The following ZMAT4 variants were observed in gnomAD, a reference collection of about 807,000 sequenced individuals.
ZMAT4 encodes the protein zinc finger matrin-type 4.
Under a neutral mutation model 28.7 loss-of-function variants are expected in ZMAT4, and 17 were observed. The observed-to-expected ratio is 0.59, with a 90% CI of 0.41 to 0.89. The LOEUF is 0.89. Ranked by LOEUF, ZMAT4 falls within the 40% of genes least tolerant of loss-of-function variation. The probability of loss-of-function intolerance (pLI) is 0.00; values close to 1 mark genes in which losing one functional copy is unlikely to be tolerated. For missense variants in ZMAT4, 240 were observed against 283.8 expected (o/e 0.85, Z 1.11); for synonymous variants, 117 against 109.2 (o/e 1.07, Z -0.44).
At chr8:40,702,452 G>T (rs1810189173) in intron 3 of ZMAT4, among the ~76,000 whole-genome samples, 2 of 152,152 alleles carry the variant, frequency 1.3e-5, no homozygotes, top group South Asian at 4.2e-4. Context: ...ATTGCTGAAA[G>T]AAATAAAAAG....
At chr8:40,849,113 T>G (rs1403590212) in intron 1 of ZMAT4, among the ~76,000 whole-genome samples, 1 of 152,212 alleles carries the variant, frequency 6.6e-6, no homozygotes, top group Non-Finnish European at 1.5e-5. Context: ...GGGTCAGGCC[T>G]GCACAGCTGC....
At chr8:40,738,747 C>T (rs1433094689) in intron 3 of ZMAT4, among the ~76,000 whole-genome samples, 3 of 152,084 alleles carry the variant, frequency 2.0e-5, no homozygotes, top group African/African-American at 7.2e-5. Flanking sequence ...AAGGCTGTGG[C>T]CCCTGTCAAC....
intron 3 of ZMAT4, among the ~76,000 whole-genome samples, chr8:40,749,946 A>G (rs991200113): frequency 1.3e-5 from 2 of 152,200 alleles, no homozygotes; most frequent in African/African-American, 2.4e-5. Flanking sequence ...AGATTTCCCA[A>G]TGCAGCCTGT....
chr8:40,873,577 C>T (rs530747016), intron 1 of ZMAT4, among the ~76,000 whole-genome samples: 124 of 152,238 alleles, frequency 8.1e-4, no homozygotes, highest in African/African-American at 3.0e-3. Flanking sequence ...ATGGCTTCTC[C>T]TTCAAGAGGT....
chr8:40,779,830 T>G lies in ZMAT4; in HGVS notation c.103-12100A>C, dbSNP rs1476580258. On this transcript the variant is annotated intron_variant, in intron 2 of 6. Transcript: ENST00000297737. ...GAGTGAGCTGTCTTCTGGCTTCAGC[T>G]GGATAGCACCTCAGTGAGAGGCAAA... Among the ~76,000 whole-genome samples the G allele has an allele frequency of 2.0e-5, 3 of 152,164 alleles. No individual in the cohort carries two copies. In the East Asian group the frequency reaches 5.8e-4, roughly 29 times the overall value.
intron 2 of ZMAT4, among the ~76,000 whole-genome samples, chr8:40,822,635 C>A (rs1215815658): frequency 2.0e-5 from 3 of 152,144 alleles, no homozygotes; most frequent in African/African-American, 7.2e-5. Flanking sequence ...AAACCTCAAC[C>A]AAAGCTGGGG....
chr8:40,816,600 A>G (rs1815551264), intron 2 of ZMAT4, among the ~76,000 whole-genome samples: 1 of 152,188 alleles, frequency 6.6e-6, no homozygotes, highest in Non-Finnish European at 1.5e-5. Context: ...AAACTTGCCA[A>G]CAATACTCTG....
chr8:40,846,142 T>C lies in ZMAT4; in HGVS notation c.-4-20462A>G, dbSNP rs76794629. On this transcript the variant is annotated intron_variant, in intron 1 of 6. Transcript: ENST00000297737. ...GCTGAGACCGGGAGATAGCAACTAT[T>C]TGTACACCTTCTTCCAAACGCACCA... Among the ~76,000 whole-genome samples the C allele has an allele frequency of 4.2e-3, 647 of 152,264 alleles. 6 individuals carry two copies. Among genetic ancestry groups the C allele is most frequent in the Admixed American group, 7.8e-3 (120 of 15,304 alleles).
chr8:40,570,508 G>A (rs896985736), intron 6 of ZMAT4, among the ~76,000 whole-genome samples: 30 of 152,084 alleles, frequency 2.0e-4, no homozygotes, highest in Non-Finnish European at 4.0e-4. Context: ...AGACCAGCCC[G>A]GGCCACACAG....
chr8:40,672,549 A>G (rs1332586908), intron 5 of ZMAT4, among the ~76,000 whole-genome samples: 4 of 152,224 alleles, frequency 2.6e-5, no homozygotes, highest in Admixed American at 2.0e-4. Context: ...TTCTGTATGA[A>G]AGACAAGCTG....
At chr8:40,824,651 A>G (rs1815958856) in intron 2 of ZMAT4, among the ~76,000 whole-genome samples, 1 of 148,416 alleles carries the variant, frequency 6.7e-6, no homozygotes, top group African/African-American at 2.5e-5. Context: ...GAAGGGAAGG[A>G]AGGAAGGGAA....
chr8:40,561,561 T>C (rs1251540659), intron 6 of ZMAT4, among the ~76,000 whole-genome samples: 1 of 152,010 alleles, frequency 6.6e-6, no homozygotes, highest in African/African-American at 2.4e-5. Flanking sequence ...AGGGTCTGAG[T>C]AGCACTTTCT....
chr8:40,591,960 G>T (rs1804907755), intron 5 of ZMAT4, among the ~76,000 whole-genome samples: 1 of 116,472 alleles, frequency 8.6e-6, no homozygotes, highest in Non-Finnish European at 1.8e-5. Flanking sequence ...CTTAATTACT[G>T]CACTAGGTCT....
intron 3 of ZMAT4, among the ~76,000 whole-genome samples, chr8:40,723,542 CAAAA>C (rs58513087): frequency 1.5e-5 from 1 of 66,852 alleles, no homozygotes; most frequent in Non-Finnish European, 2.6e-5. Context: ...GATTCCATCT[CAAAA>C]AAAAAAAAAA....
intron 1 of ZMAT4, among the ~76,000 whole-genome samples, chr8:40,848,336 A>G (rs187299271): frequency 2.1e-4 from 32 of 152,332 alleles, no homozygotes; most frequent in African/African-American, 7.7e-4. Context: ...TGTCCATCAC[A>G]TCTGATTTTT....
intron 3 of ZMAT4, among the ~76,000 whole-genome samples, chr8:40,717,792 A>G (rs190469946): frequency 7.2e-5 from 11 of 152,302 alleles, no homozygotes; most frequent in Admixed American, 7.2e-4. Flanking sequence ...ATAGGAACCT[A>G]CTTTACTAAA....
chr8:40,620,152 G>A (rs78831909), intron 5 of ZMAT4, among the ~76,000 whole-genome samples: 153 of 152,244 alleles, frequency 1.0e-3, no homozygotes, highest in African/African-American at 3.6e-3. Flanking sequence ...GCTTACTTAG[G>A]AATGCAGCAG....
chr8:40,680,075 A>C (rs1448556633), intron 4 of ZMAT4, among the ~76,000 whole-genome samples: 1 of 152,218 alleles, frequency 6.6e-6, no homozygotes, highest in Non-Finnish European at 1.5e-5. Context: ...CAAAGTGTAC[A>C]TACATATCAC....
chr8:40,835,426 G>A (rs1458198451), intron 1 of ZMAT4, among the ~76,000 whole-genome samples: 3 of 152,188 alleles, frequency 2.0e-5, no homozygotes, highest in Admixed American at 1.3e-4. Flanking sequence ...AAAAGCCTAC[G>A]TGGGTCCCCC....
Sources: gnomAD v4.1 joint callset for allele counts (sites outside exome capture counted in the v4.1 genomes callset) on GRCh38, gnomAD v4.1.1 for gene constraint, MANE v1.5 for transcripts, NCBI Gene and HGNC (gene_info 2026-07-23, HGNC 2026-07-21) for gene names.